Variants in FOXP1 observed in about 807,000 individuals in gnomAD.
The protein encoded by FOXP1 is forkhead box P1.
FOXP1 carries 15 observed loss-of-function variants against 98.2 expected under a neutral mutation model. That is an observed-to-expected ratio of 0.15 (90% CI 0.10 to 0.24). FOXP1 has a LOEUF of 0.24. Among genes scored for constraint, FOXP1 ranks in the 10% least tolerant of loss-of-function variants. FOXP1 has a pLI of 1.00. For synonymous variants in FOXP1, 371 were observed against 314.5 expected, an observed-to-expected ratio of 1.18 and a Z score of -1.90; for missense variants, 633 against 848.5, an observed-to-expected ratio of 0.75 and a Z score of 3.15.
intron 3 of FOXP1, among the ~76,000 whole-genome samples, chr3:71,412,639 G>A (rs1469170215): frequency 6.6e-6 from 1 of 152,154 alleles, no homozygotes; most frequent in Admixed American, 6.5e-5. Context: ...TTGTCCTTGG[G>A]TAAGTAGAAA....
At chr3:71,197,006 A>C (rs2063340361) in intron 6 of FOXP1, among the ~76,000 whole-genome samples, 1 of 152,174 alleles carries the variant, frequency 6.6e-6, no homozygotes, top group African/African-American at 2.4e-5. Context: ...CCACCTTGTA[A>C]GGAGCTAACA....
chr3:70,997,345 T>C (rs1186452132), intron 13 of FOXP1, among the ~76,000 whole-genome samples: 1 of 152,184 alleles, frequency 6.6e-6, no homozygotes, highest in Non-Finnish European at 1.5e-5. Context: ...AAGTGGCAAA[T>C]GCAACAGCAC....
chr3:71,075,253 C>G (rs1465109712), intron 7 of FOXP1, among the ~76,000 whole-genome samples: 1 of 152,184 alleles, frequency 6.6e-6, no homozygotes, highest in Non-Finnish European at 1.5e-5. Context: ...AAGAACTAAT[C>G]TTAGTACTTC....
At chr3:71,539,427 G>C (rs1382369125) in intron 2 of FOXP1, among the ~76,000 whole-genome samples, 1 of 150,582 alleles carries the variant, frequency 6.6e-6, no homozygotes, top group African/African-American at 2.4e-5. Flanking sequence ...GGTCATCTCT[G>C]TTCTTTTTCA....
intron 5 of FOXP1, among the ~76,000 whole-genome samples, chr3:71,259,166 G>T (rs1312260443): frequency 1.3e-5 from 2 of 151,738 alleles, no homozygotes; most frequent in African/African-American, 4.8e-5. Context: ...GAAAAAAGAA[G>T]TAAAGAATGG....
At chr3:70,995,302 G>T (rs2041214103) in intron 13 of FOXP1, among the ~76,000 whole-genome samples, 1 of 152,192 alleles carries the variant, frequency 6.6e-6, no homozygotes, top group South Asian at 2.1e-4. Flanking sequence ...TCTCAGTGGG[G>T]AGTTCTTATC....
chr3:71,259,828 C>T (rs527887449), intron 5 of FOXP1, among the ~76,000 whole-genome samples: 17 of 152,120 alleles, frequency 1.1e-4, no homozygotes, highest in Non-Finnish European at 2.2e-4. Context: ...CGTATAAAGT[C>T]CCTTAAGACA....
intron 4 of FOXP1, among the ~76,000 whole-genome samples, chr3:71,348,043 A>T (rs558454410): frequency 6.6e-6 from 1 of 152,324 alleles, no homozygotes; most frequent in South Asian, 2.1e-4. Flanking sequence ...TAAATTAGGC[A>T]CAGTAAGAGA....
chr3:71,195,075 C>T (rs1291353160), intron 6 of FOXP1, among the ~76,000 whole-genome samples: 2 of 152,180 alleles, frequency 1.3e-5, no homozygotes, highest in Non-Finnish European at 2.9e-5. Flanking sequence ...ATTCATCTCC[C>T]AACAATTGTT....
chr3:71,540,428 G>A (rs762946228), intron 2 of FOXP1, among the ~76,000 whole-genome samples: 207 of 152,282 alleles, frequency 1.4e-3, no homozygotes, highest in Non-Finnish European at 2.2e-3. Context: ...CCAATCTACA[G>A]GAGAAAAATG....
chr3:71,545,129 C>T (rs2045255313), intron 2 of FOXP1, among the ~76,000 whole-genome samples: 2 of 151,806 alleles, frequency 1.3e-5, no homozygotes, highest in Admixed American at 6.6e-5. Flanking sequence ...ATTTTATTTA[C>T]ACATGTACAT....
chr3:71,573,097 C>A (rs1433490911), intron 2 of FOXP1, among the ~76,000 whole-genome samples: 2 of 152,102 alleles, frequency 1.3e-5, no homozygotes, highest in African/African-American at 4.8e-5. Context: ...GAATTTTTAA[C>A]CTCAGGAGTC....
chr3:71,289,482 T>G (rs2072524623), intron 5 of FOXP1: 2 of 152,208 alleles, frequency 1.3e-5, no homozygotes, highest in South Asian at 2.1e-4. Flanking sequence ...GCCTCCTGAG[T>G]AGCTGGAACT....
At chr3:71,012,929 C>T (rs150756316) in intron 12 of FOXP1, among the ~76,000 whole-genome samples, 1 of 152,226 alleles carries the variant, frequency 6.6e-6, no homozygotes, top group African/African-American at 2.4e-5. Flanking sequence ...TGTTTGATTA[C>T]ATGTCTATAA....
intron 2 of FOXP1, among the ~76,000 whole-genome samples, chr3:71,517,775 A>AG (rs771790887): frequency 2.6e-5 from 4 of 152,234 alleles, no homozygotes; most frequent in Non-Finnish European, 5.9e-5. Flanking sequence ...TCAAGACCTC[A>AG]GTCTCCTCAA....
chr3:71,109,023 A>G (rs961901149), intron 7 of FOXP1, among the ~76,000 whole-genome samples: 2 of 152,254 alleles, frequency 1.3e-5, no homozygotes, highest in Non-Finnish European at 2.9e-5. Context: ...TCATAAAAAA[A>G]TTTGCGAAGC....
chr3:71,397,640 G>A lies in FOXP1; in HGVS notation c.-167-38396C>T, dbSNP rs543207050. 2.4e-3 allele frequency among the ~76,000 whole-genome samples: 370 copies of A among 152,312 alleles called. 2 individuals carry two copies. The highest frequency in any genetic ancestry group is 8.6e-3 in the African/African-American group (358 of 41,574). On this transcript the variant is annotated intron_variant, in intron 3 of 20. Transcript: ENST00000649528. ...GTCTACAAGAGCTATCAAGTCTGCAGTACTATGGGAGAAAACAATAGGAGG... is the reference window on the plus strand; with the variant it reads ...GTCTACAAGAGCTATCAAGTCTGCAATACTATGGGAGAAAACAATAGGAGG...
intron 11 of FOXP1, among the ~76,000 whole-genome samples, chr3:71,028,469 G>A (rs1033885442): frequency 1.3e-5 from 2 of 152,190 alleles, no homozygotes; most frequent in South Asian, 2.1e-4. Flanking sequence ...CCTCCAGGGG[G>A]ATTCTGAGGC....
intron 5 of FOXP1, among the ~76,000 whole-genome samples, chr3:71,203,709 G>C (rs2063808371): frequency 6.6e-6 from 1 of 152,140 alleles, no homozygotes; most frequent in African/African-American, 2.4e-5. Flanking sequence ...CTTCATAAAA[G>C]GATGTGTAAA....
Sources: allele counts gnomAD v4.1 joint callset (sites outside exome capture counted in the v4.1 genomes callset), GRCh38; gene constraint gnomAD v4.1.1; transcripts MANE v1.5; gene names NCBI Gene and HGNC (gene_info 2026-07-23, HGNC 2026-07-21).